TC2N: variants seen among roughly 807,000 people sequenced by gnomAD.
TC2N encodes the protein tandem C2 domains nuclear protein.
Under a neutral mutation model 61.9 loss-of-function variants are expected in TC2N, and 51 were observed. The ratio of observed to expected loss-of-function variants is 0.82; its 90% CI spans 0.66 to 1.04. The LOEUF is 1.04. Ranked by LOEUF, TC2N falls within the 50% of genes least tolerant of loss-of-function variation. TC2N has a pLI of 0.00. For missense variants in TC2N, 556 were observed against 566.7 expected, an observed-to-expected ratio of 0.98 and a Z score of 0.19; for synonymous variants, 204 against 192.6, an observed-to-expected ratio of 1.06 and a Z score of -0.49.
intron 1 of TC2N, among the ~76,000 whole-genome samples, chr14:91,852,068 T>G (rs1888385672): frequency 6.6e-6 from 1 of 152,206 alleles, no homozygotes; most frequent in Non-Finnish European, 1.5e-5. Flanking sequence ...ATAATGTAAA[T>G]TTCACAATCC....
In TC2N at chr14:91,797,794, T is replaced by C; in HGVS notation, c.846A>G (p.Glu282=). The C allele has an allele frequency of 1.3e-6, 2 of 1,594,768 alleles. No individual in the cohort carries two copies. Among genetic ancestry groups the C allele is most frequent in the Non-Finnish European group, 1.7e-6 (2 of 1,168,824 alleles). Residue 282 remains glutamate (E), a synonymous_variant, in exon 8 of 12, where the codon GAA becomes GAG. Coordinates refer to ENST00000435962, the MANE Select transcript of TC2N (RefSeq NM_001128596.3). The part of the protein sequence containing the change: ...KPVHFKSSAK[E]GSNAIEFMET... ...ACAAACAGCCACTTACGTTGGAACCTTCCTTGGCTGAAGATTTGAAATGCA... is the reference window on the plus strand; with the variant it reads ...ACAAACAGCCACTTACGTTGGAACCCTCCTTGGCTGAAGATTTGAAATGCA...
intron 3 of TC2N, 53 bp from the exon 4 acceptor site, chr14:91,802,474 G>A: frequency 6.4e-7 from 1 of 1,551,790 alleles, no homozygotes; most frequent in Non-Finnish European, 8.8e-7. Context: ...GGAGTTATTA[G>A]CCAACAGCTG....
In TC2N at chr14:91,807,909, C is replaced by T. The variant is rs117971947; in HGVS notation, c.301+4403G>A. 3.6e-3 allele frequency among the ~76,000 whole-genome samples: 544 copies of T among 152,238 alleles called. 1 individual carries two copies. The highest frequency in any genetic ancestry group is 7.4e-3 in the Admixed American group (113 of 15,298). Reference sequence around the variant, plus strand: ...TAATTCCCACATGTTGTGGGAGACACCTGGTAGGAGATAATTGAATCATAG... The same window carrying T: ...TAATTCCCACATGTTGTGGGAGACATCTGGTAGGAGATAATTGAATCATAG... On this transcript the variant is annotated intron_variant, in intron 3 of 11. Transcript: ENST00000435962.
intron 1 of TC2N, among the ~76,000 whole-genome samples, chr14:91,865,234 G>A (rs1888672343): frequency 6.6e-6 from 1 of 152,094 alleles, no homozygotes; most frequent in African/African-American, 2.4e-5. Context: ...TTATTTCTCT[G>A]ATGGCTGCTG....
chr14:91,794,682 C>G (rs1279883332), intron 8 of TC2N, among the ~76,000 whole-genome samples: 1 of 151,986 alleles, frequency 6.6e-6, no homozygotes, highest in Middle Eastern at 3.4e-3. Flanking sequence ...CCTTTCAAAA[C>G]ATTATTTCTC....
At chr14:91,814,193 G>A (rs555287844) in intron 1 of TC2N, among the ~76,000 whole-genome samples, 1 of 150,468 alleles carries the variant, frequency 6.6e-6, no homozygotes, top group African/African-American at 2.4e-5. Flanking sequence ...GGAAAAAGAA[G>A]AGCAACATGG....
At chr14:91,803,548 G>T (rs531846575) in intron 3 of TC2N, among the ~76,000 whole-genome samples, 1 of 152,140 alleles carries the variant, frequency 6.6e-6, no homozygotes, top group Non-Finnish European at 1.5e-5. Context: ...CACCTTCTGG[G>T]TTCAAGCTAT....
intron 1 of TC2N, among the ~76,000 whole-genome samples, chr14:91,843,020 G>A (rs546765358): frequency 8.5e-5 from 13 of 152,194 alleles, no homozygotes; most frequent in Middle Eastern, 3.4e-3. Flanking sequence ...GGAAGTAATC[G>A]TGTTCAGTTC....
chr14:91,828,937 T>C (rs990293587), intron 1 of TC2N, among the ~76,000 whole-genome samples: 2 of 152,052 alleles, frequency 1.3e-5, no homozygotes. Flanking sequence ...TTTCCTCTGG[T>C]TATGAATTCT....
At chr14:91,848,657 T>G (rs1320685452) in intron 1 of TC2N, among the ~76,000 whole-genome samples, 1 of 152,228 alleles carries the variant, frequency 6.6e-6, no homozygotes, top group Non-Finnish European at 1.5e-5. Flanking sequence ...TAAGGCTTTA[T>G]GATAGCCTTG....
intron 8 of TC2N, among the ~76,000 whole-genome samples, chr14:91,795,237 T>A (rs926797467): frequency 6.6e-6 from 1 of 152,178 alleles, no homozygotes; most frequent in African/African-American, 2.4e-5. Flanking sequence ...GCTGTGAACG[T>A]TGTTGAAATG....
At chr14:91,799,775 T>C (rs1444625804) in intron 5 of TC2N, among the ~76,000 whole-genome samples, 1 of 152,136 alleles carries the variant, frequency 6.6e-6, no homozygotes, top group Non-Finnish European at 1.5e-5. Flanking sequence ...GAATTTGTCT[T>C]TCTACTTTGC....
At chr14:91,851,423 T>C (rs1190926098) in intron 1 of TC2N, among the ~76,000 whole-genome samples, 1 of 152,196 alleles carries the variant, frequency 6.6e-6, no homozygotes, top group Non-Finnish European at 1.5e-5. Flanking sequence ...TCTTTGGTTG[T>C]TCTCCCTCTG....
rs143214889 is a variant in TC2N at position 91,783,138 on chromosome 14, T to C, written c.1435A>G (p.Lys479Glu). ...AATTTGTGCCACCTGATAACAACCT[T>C]TTCTGGATTTATTACTGTCTCTTTC... ...QWKETVINPEKVVIRWHKLNP... is the reference protein window; with the variant it reads ...QWKETVINPEEVVIRWHKLNP... The change falls in exon 12 of 12, where the codon AAG (lysine) becomes GAG (glutamate). Residue 479 changes from lysine (K) to glutamate (E), a missense_variant. Coordinates refer to ENST00000435962, the MANE Select transcript of TC2N (RefSeq NM_001128596.3). 15 of 1,611,672 alleles carry C rather than the reference T, an allele frequency of 9.3e-6. No homozygotes were observed. The African/African-American group carries it at 1.7e-4, about 19-fold the overall frequency.
chr14:91,853,403 T>A (rs1888413495), intron 1 of TC2N, among the ~76,000 whole-genome samples: 1 of 152,158 alleles, frequency 6.6e-6, no homozygotes, highest in South Asian at 2.1e-4. Context: ...ATTGGCACAG[T>A]CAGTCCCCAG....
At chr14:91,836,716 C>T (rs920396940) in intron 1 of TC2N, among the ~76,000 whole-genome samples, 3 of 133,942 alleles carry the variant, frequency 2.2e-5, no homozygotes, top group Non-Finnish European at 3.3e-5. Flanking sequence ...GCTGCGCCTG[C>T]GTCCTCCGCG....
intron 1 of TC2N, among the ~76,000 whole-genome samples, chr14:91,850,575 T>C (rs562597905): frequency 4.9e-4 from 74 of 152,356 alleles, no homozygotes; most frequent in African/African-American, 1.7e-3. Flanking sequence ...TAGATTCTCA[T>C]AGGAGCACAA....
At chr14:91,817,446 T>C (rs1887057068) in intron 1 of TC2N, among the ~76,000 whole-genome samples, 1 of 152,090 alleles carries the variant, frequency 6.6e-6, no homozygotes, top group African/African-American at 2.4e-5. Context: ...TTTAACATTT[T>C]TCTTAACATT....
chr14:91,802,341 TATACACATCA>T lies in TC2N; in HGVS notation c.372_381del (p.Tyr124Ter), dbSNP rs1212493677. ...ATGTGCTGATACATATAGAATGGGT[TATACACATCA>T]TAGCTAGGTCCGTGCTGGGATGAAC... On this transcript the variant is annotated frameshift_variant, in exon 4 of 12. Transcript: ENST00000435962. LOFTEE classifies it high-confidence loss of function. 4 of 1,612,340 alleles carry T rather than the reference TATACACATCA, an allele frequency of 2.5e-6. No individual in the cohort carries two copies. In the African/African-American group the frequency reaches 5.3e-5, roughly 22 times the overall value.
Sources: gnomAD v4.1 joint callset for allele counts (sites outside exome capture counted in the v4.1 genomes callset) on GRCh38, gnomAD v4.1.1 for gene constraint, MANE v1.5 for transcripts, NCBI Gene and HGNC (gene_info 2026-07-23, HGNC 2026-07-21) for gene names.